The following KPNA1 variants were observed in gnomAD, a reference collection of about 807,000 sequenced individuals.
The protein encoded by KPNA1 is importin subunit alpha-5.
KPNA1 carries 10 observed loss-of-function variants against 70.5 expected under a neutral mutation model. That is an observed-to-expected ratio of 0.14 (90% CI 0.09 to 0.24). The LOEUF (loss-of-function observed/expected upper bound fraction) is 0.24. Among genes scored for constraint, KPNA1 ranks in the 10% least tolerant of loss-of-function variants. The probability of loss-of-function intolerance (pLI) is 1.00; values close to 1 mark genes in which losing one functional copy is unlikely to be tolerated. For missense variants in KPNA1, 397 were observed against 637.9 expected (o/e 0.62, Z 4.07); for synonymous variants, 192 against 221.9 (o/e 0.87, Z 1.20).
At chr3:122,433,983 C>G (rs2075951399) in intron 11 of KPNA1, among the ~76,000 whole-genome samples, 195 bp from the exon 12 acceptor site, 1 of 152,046 alleles carries the variant, frequency 6.6e-6, no homozygotes, top group African/African-American at 2.4e-5. Flanking sequence ...GTTGCCCAGG[C>G]TGGAGTGCAG....
chr3:122,467,644 C>T (rs2076396363), intron 2 of KPNA1, among the ~76,000 whole-genome samples: 1 of 151,442 alleles, frequency 6.6e-6, no homozygotes, highest in African/African-American at 2.4e-5. Context: ...ATAAACAACA[C>T]TTGATAATGT....
intron 1 of KPNA1, among the ~76,000 whole-genome samples, chr3:122,512,179 A>C (rs1235206147): frequency 6.6e-6 from 1 of 152,068 alleles, no homozygotes; most frequent in Non-Finnish European, 1.5e-5. Flanking sequence ...ATGGCTTACA[A>C]AACAAAAATA....
At chr3:122,508,899 A>C (rs1422274390) in intron 1 of KPNA1, among the ~76,000 whole-genome samples, 1 of 152,208 alleles carries the variant, frequency 6.6e-6, no homozygotes, top group Admixed American at 6.5e-5. Context: ...AACTATCATT[A>C]ATATCCCCAG....
intron 1 of KPNA1, among the ~76,000 whole-genome samples, chr3:122,504,860 G>GCCCC (rs1215115511): frequency 2.8e-4 from 42 of 151,956 alleles, no homozygotes; most frequent in African/African-American, 6.8e-4. Flanking sequence ...GAGATTCGTT[G>GCCCC]CCCCCTCTTA....
intron 2 of KPNA1, among the ~76,000 whole-genome samples, chr3:122,495,262 C>CAAAAAAAAACAAAAAAAAAAAAA (rs2076745216): frequency 1.2e-5 from 1 of 86,494 alleles, no homozygotes; most frequent in African/African-American, 4.3e-5. Context: ...TCAAACAAAC[C>CAAAAAAAAACAAAAAAAAAAAAA]AAAAAAAAAA....
Position 122,422,410 on chromosome 3 carries a change from G to T in KPNA1, c.*4575C>A, listed in dbSNP as rs1430340811. ...GGTCATACAGAATTTTAGCACCACA[G>T]AAGAGGAAAGATGTTTGGCCTGAGA... is the stretch of plus-strand genomic sequence containing the variant. On this transcript the variant is annotated 3_prime_UTR_variant, in exon 14 of 14. Coordinates refer to ENST00000344337, the MANE Select transcript of KPNA1 (RefSeq NM_002264.4). The T allele has an allele frequency of 6.7e-6, 1 of 149,904 alleles. No individual in the cohort carries two copies. The highest frequency in any genetic ancestry group is 1.5e-5 in the Non-Finnish European group (1 of 67,750). 9.3% of individuals were successfully genotyped at this position (149,904 alleles called of 1,614,324 possible).
intron 1 of KPNA1, among the ~76,000 whole-genome samples, chr3:122,506,553 A>C (rs1460765265): frequency 6.6e-6 from 1 of 152,254 alleles, no homozygotes; most frequent in South Asian, 2.1e-4. Flanking sequence ...ATTTTTATTA[A>C]GAGCATTTCA....
At chr3:122,437,711 A>C (rs1224396662) in intron 10 of KPNA1, among the ~76,000 whole-genome samples, 1 of 152,236 alleles carries the variant, frequency 6.6e-6, no homozygotes, top group East Asian at 1.9e-4. Context: ...GAGGTATATT[A>C]GATGCTTTAT....
At chr3:122,500,366 C>T (rs1033683786) in intron 1 of KPNA1, among the ~76,000 whole-genome samples, 3 of 152,132 alleles carry the variant, frequency 2.0e-5, no homozygotes, top group Admixed American at 6.5e-5. Context: ...AGAAGATCCA[C>T]CCGCCTCTGC....
chr3:122,424,059 C>T lies in KPNA1; in HGVS notation c.*2926G>A, dbSNP rs1395522930. On this transcript the variant is annotated 3_prime_UTR_variant, in exon 14 of 14. Transcript: ENST00000344337. ...AATCCAACCACATCTACCTGCTGGT[C>T]CATCAGATACCAGATGCCTTTACAT... 1 of 152,178 alleles carries T rather than the reference C, an allele frequency of 6.6e-6. No individual in the cohort carries two copies. The highest frequency in any genetic ancestry group is 1.5e-5 in the Non-Finnish European group (1 of 68,026). The allele number at this position is 152,178 out of a possible 1,614,324, so 9.4% of individuals were successfully genotyped here.
chr3:122,485,048 C>T (rs2076613746), intron 2 of KPNA1, among the ~76,000 whole-genome samples: 1 of 151,998 alleles, frequency 6.6e-6, no homozygotes, highest in Admixed American at 6.6e-5. Context: ...TAGGTGCATG[C>T]TAATTAGTTT....
chr3:122,495,075 C>A (rs936961035), intron 2 of KPNA1, among the ~76,000 whole-genome samples: 6 of 151,826 alleles, frequency 4.0e-5, no homozygotes, highest in African/African-American at 1.5e-4. Flanking sequence ...GATGGTGAAA[C>A]CCTGTCTCTA....
chr3:122,499,763 A>G (rs537473998), intron 1 of KPNA1, among the ~76,000 whole-genome samples: 57 of 102,332 alleles, frequency 5.6e-4, no homozygotes, highest in Non-Finnish European at 3.0e-4. Flanking sequence ...TCTCTTCAAG[A>G]AAAAAAAAAA....
chr3:122,496,878 A>G (rs1017312613), intron 1 of KPNA1, among the ~76,000 whole-genome samples: 2 of 151,988 alleles, frequency 1.3e-5, no homozygotes, highest in Non-Finnish European at 2.9e-5. Context: ...GAATTTTTTT[A>G]TTTTTTGTAG....
At position 122,427,237 on chromosome 3, in the gene KPNA1, T is replaced by C. The variant is rs866853364; in HGVS notation, c.1430-65A>G. The C allele has an allele frequency of 2.8e-5, 32 of 1,154,062 alleles. No individual in the cohort carries two copies. The South Asian group carries it at 3.7e-4, about 13-fold the overall frequency. 71.5% of individuals were successfully genotyped at this position (1,154,062 alleles called of 1,614,324 possible). On this transcript the variant is annotated intron_variant, in intron 13 of 13. Transcript: ENST00000344337. ...CAATAAATATTGGAAATTCCATAACTATATATTCCTAAACTATATTTTGTC... is the reference window on the plus strand; with the variant it reads ...CAATAAATATTGGAAATTCCATAACCATATATTCCTAAACTATATTTTGTC...
At chr3:122,499,431 T>G (rs2076799757) in intron 1 of KPNA1, among the ~76,000 whole-genome samples, 1 of 147,298 alleles carries the variant, frequency 6.8e-6, no homozygotes, top group Non-Finnish European at 1.5e-5. Flanking sequence ...TCTATTGATA[T>G]CACAATGTGA....
chr3:122,491,567 G>C (rs902798520), intron 2 of KPNA1, among the ~76,000 whole-genome samples: 18 of 152,162 alleles, frequency 1.2e-4, no homozygotes, highest in Non-Finnish European at 2.4e-4. Flanking sequence ...GATAAAAGTG[G>C]AAGAATGAGA....
rs1355499938 is a variant in KPNA1, at chr3:122,457,830, T to C, written c.432+3394A>G. 5.4e-6 allele frequency: 7 copies of C among 1,289,630 alleles called. No individual in the cohort carries two copies. In the African/African-American group the frequency reaches 7.6e-5, roughly 14 times the overall value. 79.9% of individuals were successfully genotyped at this position (1,289,630 alleles called of 1,614,324 possible). On this transcript the variant is annotated intron_variant, in intron 5 of 13. Coordinates refer to ENST00000344337, the MANE Select transcript of KPNA1 (RefSeq NM_002264.4). ...ACTTTGCCGGTTCCACTCTGGTTCC[T>C]AGCAAATGCCAGGCTCACCTGGAGA...
rs977321557 is a variant in KPNA1 at position 122,424,327 on chromosome 3, A to G, written c.*2658T>C. The stretch of plus-strand genomic sequence containing the variant: ...ACTAAGTTAACAGAATCTGAGAGGC[A>G]AAGAACTAAAAACAGGATATACAGT... On this transcript the variant is annotated 3_prime_UTR_variant, in exon 14 of 14. Coordinates refer to ENST00000344337, the MANE Select transcript of KPNA1 (RefSeq NM_002264.4). The G allele has an allele frequency of 3.3e-5, 5 of 152,228 alleles. No individual in the cohort carries two copies. Among genetic ancestry groups the G allele is most frequent in the Non-Finnish European group, 5.9e-5 (4 of 68,042 alleles). The allele number at this position is 152,228 out of a possible 1,614,324, so 9.4% of individuals were successfully genotyped here.
Sources: gnomAD v4.1 joint callset for allele counts (sites outside exome capture counted in the v4.1 genomes callset) on GRCh38, gnomAD v4.1.1 for gene constraint, MANE v1.5 for transcripts, NCBI Gene and HGNC (gene_info 2026-07-23, HGNC 2026-07-21) for gene names.